PLPPR1: variants seen among roughly 807,000 people sequenced by gnomAD.
PLPPR1 encodes the protein phospholipid phosphatase related 1, also known as phospholipid phosphatase-related protein type 1.
A neutral mutation model predicts 33.1 loss-of-function variants in PLPPR1; 10 were observed. The ratio of observed to expected loss-of-function variants is 0.30; its 90% confidence interval spans 0.19 to 0.51. PLPPR1 has a LOEUF of 0.51. Ranked by LOEUF, PLPPR1 falls within the 20% of genes least tolerant of loss-of-function variation. The pLI is 0.97. For synonymous variants in PLPPR1, 151 were observed against 151.0 expected (o/e 1.00, Z 0.00); for missense variants, 304 against 408.1 (o/e 0.74, Z 2.20).
intron 1 of PLPPR1, among the ~76,000 whole-genome samples, chr9:101,034,060 C>T (rs965614139): frequency 4.0e-5 from 6 of 149,558 alleles, no homozygotes; most frequent in African/African-American, 9.9e-5. Context: ...AAAAAAAAAA[C>T]GTGCAATGCG....
chr9:101,315,216 G>T (rs1312550078), intron 6 of PLPPR1, among the ~76,000 whole-genome samples: 1 of 152,002 alleles, frequency 6.6e-6, no homozygotes, highest in Non-Finnish European at 1.5e-5. Flanking sequence ...CTGTATTTTT[G>T]TACTGATTAA....
intron 1 of PLPPR1, among the ~76,000 whole-genome samples, chr9:101,029,312 C>T (rs1329159919): frequency 1.3e-5 from 2 of 152,194 alleles, no homozygotes; most frequent in Non-Finnish European, 2.9e-5. Flanking sequence ...GTCAGATTGA[C>T]CCAGCAGAAA....
intron 2 of PLPPR1, among the ~76,000 whole-genome samples, chr9:101,228,971 A>C (rs763174833): frequency 3.0e-4 from 40 of 133,380 alleles, no homozygotes; most frequent in Non-Finnish European, 5.8e-4. Context: ...TTTGCCTAGG[A>C]GTTAATATAA....
chr9:101,323,898 T>C (rs1236133221), intron 7 of PLPPR1, 127 bp from the exon 8 acceptor site: 4 of 618,474 alleles, frequency 6.5e-6, no homozygotes, highest in African/African-American at 5.6e-5. Flanking sequence ...TGGAAAAGCA[T>C]ATTAGGGGGA....
chr9:101,144,106 G>A lies in PLPPR1; in HGVS notation c.-45-41344G>A, dbSNP rs377441842. Among the ~76,000 whole-genome samples the A allele has an allele frequency of 1.2e-4, 18 of 152,244 alleles. No individual in the cohort carries two copies. In the East Asian group the frequency reaches 1.7e-3, roughly 15 times the overall value. ...CAGTCATAAAAAAGGATGAGTTCAC[G>A]TCCTTTGTAGGGACATGGATGAAGC... is the stretch of plus-strand genomic sequence containing the variant. On this transcript the variant is annotated intron_variant, in intron 1 of 7. Transcript: ENST00000374874.
At chr9:101,109,689 C>A (rs950703829) in intron 1 of PLPPR1, among the ~76,000 whole-genome samples, 1 of 152,122 alleles carries the variant, frequency 6.6e-6, no homozygotes, top group Admixed American at 6.5e-5. Context: ...ATGGCAAGAT[C>A]TTATAATTTA....
chr9:101,029,183 C>A (rs1364249349), intron 1 of PLPPR1, 81 bp downstream of exon 1: 3 of 153,434 alleles, frequency 2.0e-5, no homozygotes, highest in African/African-American at 7.2e-5. Context: ...AGCTCCTGGC[C>A]GGACCCGGCG....
intron 2 of PLPPR1, among the ~76,000 whole-genome samples, chr9:101,265,393 C>T (rs1051208898): frequency 6.6e-6 from 1 of 152,218 alleles, no homozygotes; most frequent in Non-Finnish European, 1.5e-5. Context: ...TTCAACCCTT[C>T]CACCAGTACT....
rs998428270 is a variant in PLPPR1 at position 101,159,550 on chromosome 9, T to A, written c.-45-25900T>A. 9.1e-4 allele frequency among the ~76,000 whole-genome samples: 139 copies of A among 152,218 alleles called. 13 individuals carry two copies. Among genetic ancestry groups the A allele is most frequent in the Non-Finnish European group, 1.5e-5 (1 of 68,038 alleles). ...ACTTCCGTTTGGGCTATAAGCCTTG[T>A]GGTTTTATTTGACCTTTTAAACTCA... On this transcript the variant is annotated intron_variant, in intron 1 of 7. Coordinates refer to ENST00000374874, the MANE Select transcript of PLPPR1 (RefSeq NM_207299.2).
intron 1 of PLPPR1, among the ~76,000 whole-genome samples, chr9:101,047,024 A>G (rs1320706747): frequency 6.6e-6 from 1 of 152,126 alleles, no homozygotes; most frequent in Non-Finnish European, 1.5e-5. Context: ...ACCTCAGATC[A>G]TCAGGCATTA....
intron 1 of PLPPR1, among the ~76,000 whole-genome samples, chr9:101,167,148 G>A (rs1208197739): frequency 1.6e-5 from 1 of 63,716 alleles, no homozygotes; most frequent in African/African-American, 5.2e-5. Flanking sequence ...CTCGGTGTGT[G>A]TGTGTGTGTG....
intron 1 of PLPPR1, among the ~76,000 whole-genome samples, chr9:101,170,128 A>C (rs1300114108): frequency 6.6e-6 from 1 of 152,080 alleles, no homozygotes; most frequent in African/African-American, 2.4e-5. Flanking sequence ...GCACTGTATG[A>C]AGTGCTAAGG....
chr9:101,161,359 A>G (rs1831771033), intron 1 of PLPPR1, among the ~76,000 whole-genome samples: 1 of 152,172 alleles, frequency 6.6e-6, no homozygotes, highest in Non-Finnish European at 1.5e-5. Context: ...CAAACTTGCA[A>G]ATAAGCACAA....
intron 2 of PLPPR1, among the ~76,000 whole-genome samples, chr9:101,196,382 C>G (rs1302311916): frequency 6.6e-6 from 1 of 152,038 alleles, no homozygotes; most frequent in East Asian, 1.9e-4. Context: ...TTTTAGACCC[C>G]AAAAGAACAC....
chr9:101,258,356 G>A (rs996819239), intron 2 of PLPPR1, among the ~76,000 whole-genome samples: 1 of 151,978 alleles, frequency 6.6e-6, no homozygotes, highest in Admixed American at 6.6e-5. Context: ...TGATAATATG[G>A]TCACATCATC....
chr9:101,270,458 A>G (rs1050206644), intron 3 of PLPPR1, among the ~76,000 whole-genome samples: 2 of 152,236 alleles, frequency 1.3e-5, no homozygotes, highest in African/African-American at 4.8e-5. Flanking sequence ...GGCTGAGATT[A>G]GAGTAGAATA....
intron 4 of PLPPR1, among the ~76,000 whole-genome samples, chr9:101,287,513 T>C (rs1828414021): frequency 6.6e-6 from 1 of 152,224 alleles, no homozygotes; most frequent in Non-Finnish European, 1.5e-5. Context: ...TATTTTATTT[T>C]ATTTTTTAGA....
intron 2 of PLPPR1, among the ~76,000 whole-genome samples, chr9:101,193,397 A>G (rs1428278256): frequency 6.6e-6 from 1 of 152,156 alleles, no homozygotes; most frequent in African/African-American, 2.4e-5. Context: ...GTGGGGCGGG[A>G]AATACAAATC....
chr9:101,117,911 C>T (rs994615249), intron 1 of PLPPR1, among the ~76,000 whole-genome samples: 1 of 152,168 alleles, frequency 6.6e-6, no homozygotes, highest in African/African-American at 2.4e-5. Context: ...TCCCTCTTTT[C>T]AAATTAAGTG....
Sources: gnomAD v4.1 joint callset for allele counts (sites outside exome capture counted in the v4.1 genomes callset) on GRCh38, gnomAD v4.1.1 for gene constraint, MANE v1.5 for transcripts, NCBI Gene and HGNC (gene_info 2026-07-23, HGNC 2026-07-21) for gene names.